The following ADAMTSL1 variants were observed in gnomAD, a reference collection of about 807,000 sequenced individuals.
The protein encoded by ADAMTSL1 is ADAMTS-like protein 1.
ADAMTSL1 carries 126 observed loss-of-function variants against 201.8 expected under a neutral mutation model. The observed-to-expected ratio is 0.62, with a 90% CI of 0.54 to 0.72. ADAMTSL1 has a LOEUF of 0.72. Among genes scored for constraint, ADAMTSL1 ranks in the 30% least tolerant of loss-of-function variants. The probability of loss-of-function intolerance (pLI) is 0.00; values close to 1 mark genes in which losing one functional copy is unlikely to be tolerated. For synonymous variants in ADAMTSL1, 1,121 were observed against 903.4 expected (o/e 1.24, Z -4.32); for missense variants, 2,679 against 2,277.8 (o/e 1.18, Z -3.59).
intron 1 of ADAMTSL1, among the ~76,000 whole-genome samples, chr9:18,037,469 T>C (rs1027395057): frequency 3.9e-5 from 6 of 152,332 alleles, no homozygotes; most frequent in Middle Eastern, 3.4e-3. Flanking sequence ...CTTAACTTCT[T>C]AGAGACTTGC....
At chr9:18,740,647 T>C (rs1818777363) in intron 15 of ADAMTSL1, among the ~76,000 whole-genome samples, 1 of 151,964 alleles carries the variant, frequency 6.6e-6, no homozygotes, top group Non-Finnish European at 1.5e-5. Flanking sequence ...CAGATCATTT[T>C]TGTATTTTTA....
chr9:18,688,534 G>A (rs13292616), intron 13 of ADAMTSL1, among the ~76,000 whole-genome samples: 13,880 of 149,420 alleles, frequency 0.093, 686 homozygotes, highest in Middle Eastern at 0.12. Context: ...CAGGCATGGT[G>A]GTGTGTGCCT....
At chr9:18,843,583 C>T (rs995865633) in intron 23 of ADAMTSL1, among the ~76,000 whole-genome samples, 11 of 150,428 alleles carry the variant, frequency 7.3e-5, no homozygotes, top group Non-Finnish European at 7.4e-5. Context: ...TGTTGCCCTG[C>T]CTTGCTGGAT....
At chr9:18,302,276 G>C (rs1241045508) in intron 2 of ADAMTSL1, among the ~76,000 whole-genome samples, 2 of 152,138 alleles carry the variant, frequency 1.3e-5, no homozygotes, top group African/African-American at 4.8e-5. Flanking sequence ...CTACCTCAAT[G>C]AGATACTGAT....
chr9:18,467,585 A>G (rs559994643), intron 2 of ADAMTSL1, among the ~76,000 whole-genome samples: 9 of 152,218 alleles, frequency 5.9e-5, no homozygotes, highest in Admixed American at 1.3e-4. Flanking sequence ...AAGTTTTTAA[A>G]AAATTGCAGT....
At chr9:18,325,596 C>T (rs1834798820) in intron 2 of ADAMTSL1, among the ~76,000 whole-genome samples, 1 of 152,190 alleles carries the variant, frequency 6.6e-6, no homozygotes, top group Non-Finnish European at 1.5e-5. Context: ...ATTTATTTCT[C>T]ACAGTTCTGG....
intron 1 of ADAMTSL1, among the ~76,000 whole-genome samples, chr9:18,028,694 T>C (rs1323776653): frequency 6.6e-6 from 1 of 152,206 alleles, no homozygotes; most frequent in East Asian, 1.9e-4. Context: ...TCAGGTAGTG[T>C]GATGCCTTCC....
intron 1 of ADAMTSL1, among the ~76,000 whole-genome samples, chr9:18,487,412 G>T (rs1412688573): frequency 1.3e-5 from 2 of 152,080 alleles, no homozygotes; most frequent in African/African-American, 2.4e-5. Context: ...GCATCAAATA[G>T]GTATTTATGT....
At chr9:18,118,301 A>G (rs1825345943) in intron 1 of ADAMTSL1, among the ~76,000 whole-genome samples, 1 of 152,232 alleles carries the variant, frequency 6.6e-6, no homozygotes, top group South Asian at 2.1e-4. Flanking sequence ...GAAGATGTGT[A>G]TGGAAAAGGA....
chr9:18,268,166 A>T (rs1424138940), intron 2 of ADAMTSL1, among the ~76,000 whole-genome samples: 1 of 152,172 alleles, frequency 6.6e-6, no homozygotes, highest in Non-Finnish European at 1.5e-5. Context: ...AATTTATTAG[A>T]TACTTTAAGT....
intron 16 of ADAMTSL1, among the ~76,000 whole-genome samples, chr9:18,770,105 C>T (rs1340550278): frequency 6.6e-6 from 1 of 152,128 alleles, no homozygotes; most frequent in Non-Finnish European, 1.5e-5. Flanking sequence ...CTTAAGAAAA[C>T]CAGACCCTAA....
intron 3 of ADAMTSL1, 120 bp from the exon 4 acceptor site, chr9:18,573,910 A>G (rs1014528889): frequency 1.4e-6 from 1 of 734,422 alleles, no homozygotes; most frequent in African/African-American, 1.8e-5. Flanking sequence ...AGTTCCATCT[A>G]TCATGACCAG....
chr9:18,656,801 A>G (rs1828714583), intron 7 of ADAMTSL1, among the ~76,000 whole-genome samples: 1 of 152,168 alleles, frequency 6.6e-6, no homozygotes, highest in African/African-American at 2.4e-5. Context: ...ACCTTGCCCA[A>G]CAGTCTAAAT....
intron 1 of ADAMTSL1, among the ~76,000 whole-genome samples, chr9:18,066,230 C>T (rs1455378840): frequency 6.6e-6 from 1 of 152,030 alleles, no homozygotes; most frequent in Non-Finnish European, 1.5e-5. Context: ...GGAAATGCTG[C>T]TGTATAATAA....
chr9:18,396,308 A>C (rs1817751456), intron 2 of ADAMTSL1, among the ~76,000 whole-genome samples: 1 of 152,126 alleles, frequency 6.6e-6, no homozygotes, highest in South Asian at 2.1e-4. Flanking sequence ...CCCCTCCTGG[A>C]CTTATTCAAT....
At chr9:18,533,832 A>C (rs1425261485) in intron 3 of ADAMTSL1, among the ~76,000 whole-genome samples, 1 of 152,212 alleles carries the variant, frequency 6.6e-6, no homozygotes. Flanking sequence ...AAATATCACA[A>C]ATGCCATAGG....
At chr9:18,832,275 C>T (rs1034577901) in intron 23 of ADAMTSL1, among the ~76,000 whole-genome samples, 3 of 152,148 alleles carry the variant, frequency 2.0e-5, no homozygotes, top group African/African-American at 7.2e-5. Context: ...GCTCCCATCC[C>T]TGACTCCTAT....
At chr9:18,462,003 T>C (rs1820827181) in intron 2 of ADAMTSL1, among the ~76,000 whole-genome samples, 1 of 152,096 alleles carries the variant, frequency 6.6e-6, no homozygotes, top group African/African-American at 2.4e-5. Context: ...TTACATCCCA[T>C]GAATACTGTA....
chr9:18,370,834 G>C (rs1837013475), intron 2 of ADAMTSL1, among the ~76,000 whole-genome samples: 1 of 151,658 alleles, frequency 6.6e-6, no homozygotes, highest in Non-Finnish European at 1.5e-5. Flanking sequence ...TTCAGATAGA[G>C]AAATTGAGGT....
Sources: allele counts gnomAD v4.1 joint callset (sites outside exome capture counted in the v4.1 genomes callset), GRCh38; gene constraint gnomAD v4.1.1; transcripts MANE v1.5; gene names NCBI Gene and HGNC (gene_info 2026-07-23, HGNC 2026-07-21).